CADPS2: variants seen among roughly 807,000 people sequenced by gnomAD.
The protein encoded by CADPS2 is calcium dependent secretion activator 2.
In CADPS2, 93 loss-of-function variants were observed where a neutral mutation model predicts 172.5. That is an observed-to-expected ratio of 0.54 (90% CI 0.46 to 0.64). The LOEUF is 0.64. Ranked by LOEUF, CADPS2 falls within the 30% of genes least tolerant of loss-of-function variation. CADPS2 has a pLI of 0.00. For missense variants in CADPS2, 1,420 were observed against 1,565.9 expected (o/e 0.91, Z 1.57); for synonymous variants, 546 against 555.2 (o/e 0.98, Z 0.23).
rs565310706 is a variant in CADPS2 at position 122,502,154 on chromosome 7, C to T, written c.1543-10734G>A. Among the ~76,000 whole-genome samples the T allele has an allele frequency of 1.1e-4, 16 of 152,080 alleles. 1 individual carries two copies. The South Asian group carries it at 1.5e-3, about 14-fold the overall frequency. ...GAATAGCAAATAATTCAAGGTAGTACGCTTTTATTCTCTTTTCTCAGGTAT... is the reference window on the plus strand; with the variant it reads ...GAATAGCAAATAATTCAAGGTAGTATGCTTTTATTCTCTTTTCTCAGGTAT... On this transcript the variant is annotated intron_variant, in intron 9 of 29. Transcript: ENST00000449022.
Position 122,325,506 on chromosome 7 carries a change from G to T in CADPS2, c.3688C>A (p.Gln1230Lys). The change falls in exon 29 of 30, where the codon CAG (glutamine) becomes AAG (lysine). Residue 1230 changes from glutamine (Q) to lysine (K), a missense_variant. Coordinates refer to ENST00000449022, the MANE Select transcript of CADPS2 (RefSeq NM_017954.11). Reference sequence around the variant, plus strand: ...ACAATCTTGATGAGCGTCTTCAGCTGGTAAATATGGAGTTGGAGGTCTAAT... The same window carrying T: ...ACAATCTTGATGAGCGTCTTCAGCTTGTAAATATGGAGTTGGAGGTCTAAT... ...DRLDLQLHIY[Q>K]LKTLIKIVKK... 6.2e-7 allele frequency: 1 copy of T among 1,610,280 alleles called. No homozygotes were observed. The highest frequency in any genetic ancestry group is 1.1e-5 in the South Asian group (1 of 90,282).
Position 122,573,401 on chromosome 7 carries a change from A to G in CADPS2, c.1335+7778T>C, listed in dbSNP as rs566090863. Among the ~76,000 whole-genome samples the G allele has an allele frequency of 6.6e-5, 10 of 152,166 alleles. No homozygotes were observed. In the East Asian group the frequency reaches 1.4e-3, roughly 21 times the overall value. On this transcript the variant is annotated intron_variant, in intron 7 of 29. Transcript: ENST00000449022. ...ATACAAAACAAAAAATTGGCTGGGC[A>G]TAGTGGCATACAACAGTAGTCCCAG...
chr7:122,512,671 A>G (rs1365528445), intron 9 of CADPS2, among the ~76,000 whole-genome samples: 1 of 152,122 alleles, frequency 6.6e-6, no homozygotes, highest in East Asian at 1.9e-4. Context: ...TTTGCATTAA[A>G]TGGCAGCATA....
chr7:122,726,677 TA>T (rs1257406606), intron 2 of CADPS2, among the ~76,000 whole-genome samples: 1 of 149,408 alleles, frequency 6.7e-6, no homozygotes, highest in Non-Finnish European at 1.5e-5. Context: ...GTCAGGGTCA[TA>T]GAGTCAGGGA....
At chr7:122,455,322 A>G (rs1477806894) in intron 14 of CADPS2, among the ~76,000 whole-genome samples, 1 of 152,122 alleles carries the variant, frequency 6.6e-6, no homozygotes, top group East Asian at 1.9e-4. Context: ...ATGACTCAGC[A>G]TTAGTGAGGT....
At chr7:122,796,862 A>C (rs1796483574) in intron 1 of CADPS2, among the ~76,000 whole-genome samples, 1 of 152,182 alleles carries the variant, frequency 6.6e-6, no homozygotes. Context: ...ACAAAAACTG[A>C]TGAATGGGAT....
intron 9 of CADPS2, among the ~76,000 whole-genome samples, chr7:122,512,442 T>C (rs1252783714): frequency 1.3e-5 from 2 of 152,136 alleles, no homozygotes; most frequent in African/African-American, 4.8e-5. Flanking sequence ...GGAATGACTA[T>C]TACTTAGAAG....
intron 1 of CADPS2, among the ~76,000 whole-genome samples, chr7:122,776,404 A>G (rs1056429271): frequency 6.6e-6 from 1 of 152,140 alleles, no homozygotes; most frequent in Non-Finnish European, 1.5e-5. Context: ...TAAAGTAACT[A>G]CAACAGTATA....
At chr7:122,395,474 C>G (rs944669641) in intron 20 of CADPS2, 3 of 152,120 alleles carry the variant, frequency 2.0e-5, no homozygotes, top group African/African-American at 7.2e-5. Flanking sequence ...CATTAGCACA[C>G]TGAAAGAAGC....
At position 122,434,716 on chromosome 7, in the gene CADPS2, G is replaced by A. The variant is rs774811471; in HGVS notation, c.2476+3625C>T. 2.6e-5 allele frequency among the ~76,000 whole-genome samples: 4 copies of A among 152,098 alleles called. No homozygotes were observed. In the East Asian group the frequency reaches 7.7e-4, roughly 29 times the overall value. ...GGATGCAAGAAAAAAATAATAGAAC[G>A]TTAAAAAATTCAGCGACTCAGCGAA... On this transcript the variant is annotated intron_variant, in intron 17 of 29. Transcript: ENST00000449022.
intron 9 of CADPS2, among the ~76,000 whole-genome samples, chr7:122,512,080 T>C (rs1025769903): frequency 2.0e-4 from 31 of 152,078 alleles, no homozygotes; most frequent in Admixed American, 1.8e-3. Flanking sequence ...TAAGAAGAGG[T>C]TACTTTTTAG....
chr7:122,411,004 T>C (rs1407713144), intron 19 of CADPS2, among the ~76,000 whole-genome samples: 1 of 152,162 alleles, frequency 6.6e-6, no homozygotes, highest in Non-Finnish European at 1.5e-5. Context: ...AATGATTGAA[T>C]CTAAGTCAGC....
At chr7:122,433,551 G>A (rs1485826406) in intron 17 of CADPS2, among the ~76,000 whole-genome samples, 1 of 151,706 alleles carries the variant, frequency 6.6e-6, no homozygotes, top group Non-Finnish European at 1.5e-5. Context: ...TTGCAGGCAT[G>A]CACCCCCACT....
intron 11 of CADPS2, among the ~76,000 whole-genome samples, chr7:122,482,804 G>A (rs1417536338): frequency 6.6e-6 from 1 of 152,140 alleles, no homozygotes; most frequent in Non-Finnish European, 1.5e-5. Context: ...GTAGGAAAGA[G>A]TACTGGAGAG....
intron 1 of CADPS2, among the ~76,000 whole-genome samples, chr7:122,770,360 AATT>A (rs1017630285): frequency 6.6e-6 from 1 of 152,212 alleles, no homozygotes; most frequent in Middle Eastern, 3.4e-3. Flanking sequence ...GAGATCCTCT[AATT>A]ATTATTATTA....
chr7:122,574,031 T>C (rs1211269767), intron 7 of CADPS2, among the ~76,000 whole-genome samples: 1 of 152,142 alleles, frequency 6.6e-6, no homozygotes, highest in Non-Finnish European at 1.5e-5. Flanking sequence ...AAAATGTTTA[T>C]CTTTACTATG....
chr7:122,640,107 C>G (rs2077454725), intron 3 of CADPS2, among the ~76,000 whole-genome samples: 1 of 152,152 alleles, frequency 6.6e-6, no homozygotes, highest in Admixed American at 6.5e-5. Context: ...TGCCTCTCTA[C>G]CAGTTGCTCA....
At chr7:122,800,436 C>T (rs1563049990) in intron 1 of CADPS2, among the ~76,000 whole-genome samples, 1 of 152,120 alleles carries the variant, frequency 6.6e-6, no homozygotes, top group Non-Finnish European at 1.5e-5. Context: ...AAAAACTGAT[C>T]AAGTTCCAGA....
chr7:122,833,115 TTCTG>T (rs1478737003), intron 1 of CADPS2, among the ~76,000 whole-genome samples: 1 of 152,244 alleles, frequency 6.6e-6, no homozygotes, highest in Admixed American at 6.5e-5. Flanking sequence ...CCAGCCTTTG[TTCTG>T]TCTGTAACAT....
Sources: gnomAD v4.1 joint callset for allele counts (sites outside exome capture counted in the v4.1 genomes callset) on GRCh38, gnomAD v4.1.1 for gene constraint, MANE v1.5 for transcripts, NCBI Gene and HGNC (gene_info 2026-07-23, HGNC 2026-07-21) for gene names.